TTC28: variants seen among roughly 807,000 people sequenced by gnomAD.
The protein encoded by TTC28 is tetratricopeptide repeat protein 28.
In TTC28, 61 loss-of-function variants were observed where a neutral mutation model predicts 198.0. The observed-to-expected ratio is 0.31, with a 90% CI of 0.25 to 0.38. TTC28 has a LOEUF of 0.38. Ranked by LOEUF, TTC28 falls within the 10% of genes least tolerant of loss-of-function variation. The probability of loss-of-function intolerance (pLI) is 1.00; values close to 1 mark genes in which losing one functional copy is unlikely to be tolerated. For synonymous variants in TTC28, 1,171 were observed against 1,297.8 expected (o/e 0.90, Z 2.10); for missense variants, 2,678 against 3,164.0 (o/e 0.85, Z 3.69).
intron 3 of TTC28, among the ~76,000 whole-genome samples, chr22:28,299,880 T>C (rs1341257118): frequency 2.6e-5 from 4 of 152,158 alleles, no homozygotes; most frequent in African/African-American, 9.7e-5. Flanking sequence ...GCTAGCAACA[T>C]ACACCAATCT....
intron 5 of TTC28, among the ~76,000 whole-genome samples, chr22:28,224,029 G>C (rs1028244820): frequency 2.0e-5 from 3 of 152,172 alleles, no homozygotes; most frequent in African/African-American, 7.2e-5. Flanking sequence ...GGACATCTGG[G>C]AATGTCTGGA....
rs187672410 is a variant in TTC28, at chr22:28,013,763, T to C, written c.4218+485A>G. Among the ~76,000 whole-genome samples, 379 of 151,990 alleles carry C rather than the reference T, an allele frequency of 2.5e-3. 1 individual carries two copies. Among genetic ancestry groups the C allele is most frequent in the Non-Finnish European group, 3.8e-3 (260 of 67,944 alleles). The stretch of plus-strand genomic sequence containing the variant: ...GCCACGGCCACATCCCCGAGGCGTC[T>C]GCTAGGTGGGAAAGGGCACATCCAC... On this transcript the variant is annotated intron_variant, in intron 14 of 22. Transcript: ENST00000397906.
intron 12 of TTC28, among the ~76,000 whole-genome samples, chr22:28,070,931 T>A (rs922949094): frequency 3.3e-5 from 5 of 152,192 alleles, no homozygotes; most frequent in African/African-American, 1.2e-4. Flanking sequence ...CTTTGGGCTT[T>A]AGCTGCAAGC....
intron 2 of TTC28, among the ~76,000 whole-genome samples, chr22:28,523,712 G>GT (rs949435727): frequency 6.6e-6 from 1 of 152,122 alleles, no homozygotes; most frequent in African/African-American, 2.4e-5. Flanking sequence ...TGCACACACA[G>GT]TTAGCAAAGA....
intron 6 of TTC28, among the ~76,000 whole-genome samples, chr22:28,160,156 G>A (rs113147724): frequency 3.9e-5 from 6 of 152,234 alleles, no homozygotes; most frequent in South Asian, 2.1e-4. Context: ...TAGCACAACC[G>A]GATAACTATA....
At chr22:28,397,901 C>T (rs1215553744) in intron 2 of TTC28, among the ~76,000 whole-genome samples, 1 of 152,136 alleles carries the variant, frequency 6.6e-6, no homozygotes, top group East Asian at 1.9e-4. Flanking sequence ...GTCCAGGATC[C>T]CTGGGTGTAT....
intron 12 of TTC28, among the ~76,000 whole-genome samples, chr22:28,080,238 T>C (rs1941298122): frequency 1.3e-5 from 2 of 152,230 alleles, no homozygotes; most frequent in Admixed American, 1.3e-4. Flanking sequence ...TGTACACTAA[T>C]TCTATTTTTT....
intron 2 of TTC28, among the ~76,000 whole-genome samples, chr22:28,524,355 G>C (rs985203365): frequency 2.4e-4 from 36 of 151,650 alleles, no homozygotes; most frequent in African/African-American, 8.7e-4. Context: ...AGCTACTCGG[G>C]AGGCTGAGAC....
At chr22:28,386,350 C>CCAATACTT (rs1414727735) in intron 2 of TTC28, among the ~76,000 whole-genome samples, 1 of 147,130 alleles carries the variant, frequency 6.8e-6, no homozygotes, top group African/African-American at 2.5e-5. Flanking sequence ...CATCTCTTCT[C>CCAATACTT]CAATACTTTC....
intron 2 of TTC28, among the ~76,000 whole-genome samples, chr22:28,548,245 T>C (rs1289836822): frequency 6.6e-6 from 1 of 152,170 alleles, no homozygotes; most frequent in Admixed American, 6.5e-5. Flanking sequence ...AATATGCATT[T>C]ATAGCAGGCT....
intron 5 of TTC28, among the ~76,000 whole-genome samples, chr22:28,278,521 T>C (rs2044516634): frequency 2.0e-5 from 3 of 152,212 alleles, no homozygotes; most frequent in Admixed American, 1.3e-4. Context: ...ATCATATCAT[T>C]CCTATAGGCT....
intron 5 of TTC28, among the ~76,000 whole-genome samples, chr22:28,234,994 C>T (rs928832351): frequency 6.6e-5 from 10 of 152,202 alleles, no homozygotes; most frequent in Middle Eastern, 3.4e-3. Context: ...CTTTTTGATA[C>T]GCAGAATTAC....
chr22:28,507,529 C>T (rs1342070372), intron 2 of TTC28, among the ~76,000 whole-genome samples: 1 of 152,102 alleles, frequency 6.6e-6, no homozygotes, highest in Non-Finnish European at 1.5e-5. Flanking sequence ...GCAAGACAGG[C>T]CAACATTCAA....
intron 5 of TTC28, among the ~76,000 whole-genome samples, chr22:28,289,725 T>G (rs1183207120): frequency 6.6e-6 from 1 of 152,150 alleles, no homozygotes; most frequent in African/African-American, 2.4e-5. Flanking sequence ...AACAATAAAA[T>G]TTTAAAAAAA....
At position 28,648,671 on chromosome 22, in the gene TTC28, G is replaced by A. The variant is rs111590755; in HGVS notation, c.103-18841C>T. On this transcript the variant is annotated intron_variant, in intron 1 of 22. Coordinates refer to ENST00000397906, the MANE Select transcript of TTC28 (RefSeq NM_001145418.2). ...TGCCTGTAATTCCAGCACTTTGGAA[G>A]GCCAAGGTGGGTGGATCACCTGAGC... is the stretch of plus-strand genomic sequence containing the variant. Among the ~76,000 whole-genome samples, 296 of 152,346 alleles carry A rather than the reference G, an allele frequency of 1.9e-3. 1 individual carries two copies. The highest frequency in any genetic ancestry group is 6.4e-3 in the African/African-American group (268 of 41,588).
intron 2 of TTC28, among the ~76,000 whole-genome samples, chr22:28,454,371 T>A (rs926671498): frequency 6.6e-6 from 1 of 152,224 alleles, no homozygotes; most frequent in Non-Finnish European, 1.5e-5. Context: ...GTTGGTTATA[T>A]GATAAAACTA....
At chr22:28,670,704 C>CATACATATATATATATATAT (rs1555909582) in intron 1 of TTC28, among the ~76,000 whole-genome samples, 65 of 128,600 alleles carry the variant, frequency 5.1e-4, no homozygotes, top group African/African-American at 1.9e-3. Context: ...GTCTTTAGGG[C>CATACATATATATATATATAT]ATATATATAT....
In TTC28 at chr22:28,635,576, T is replaced by C. The variant is rs564632101; in HGVS notation, c.103-5746A>G. Among the ~76,000 whole-genome samples, 325 of 152,288 alleles carry C rather than the reference T, an allele frequency of 2.1e-3. 2 individuals carry two copies. Among genetic ancestry groups the C allele is most frequent in the African/African-American group, 7.3e-3 (305 of 41,566 alleles). On this transcript the variant is annotated intron_variant, in intron 1 of 22. Transcript: ENST00000397906. The stretch of plus-strand genomic sequence containing the variant: ...AAGGGTAGAGGGAGTGTCAGTAACA[T>C]GTGAGCCAAATGGGCTCAATATATG...
intron 12 of TTC28, among the ~76,000 whole-genome samples, chr22:28,086,283 T>C (rs1016574789): frequency 3.3e-5 from 5 of 152,038 alleles, no homozygotes; most frequent in African/African-American, 4.8e-5. Context: ...CCTCAGCAAA[T>C]GTAAAAGATG....
Sources: gnomAD v4.1 joint callset for allele counts (sites outside exome capture counted in the v4.1 genomes callset) on GRCh38, gnomAD v4.1.1 for gene constraint, MANE v1.5 for transcripts, NCBI Gene and HGNC (gene_info 2026-07-23, HGNC 2026-07-21) for gene names.